Variants in SLC17A4 observed in about 807,000 individuals in gnomAD.
SLC17A4 encodes probable small intestine urate exporter.
SLC17A4 carries 33 observed loss-of-function variants against 52.5 expected under a neutral mutation model. That is an observed-to-expected ratio of 0.63 (90% CI 0.48 to 0.84). The LOEUF is 0.84. Among genes scored for constraint, SLC17A4 ranks in the 40% least tolerant of loss-of-function variants. SLC17A4 has a pLI of 0.00. For synonymous variants in SLC17A4, 225 were observed against 216.2 expected, an observed-to-expected ratio of 1.04 and a Z score of -0.36; for missense variants, 585 against 597.1, an observed-to-expected ratio of 0.98 and a Z score of 0.21.
chr6:25,765,333 T>A (rs1761919946), intron 2 of SLC17A4, among the ~76,000 whole-genome samples: 3 of 152,186 alleles, frequency 2.0e-5, no homozygotes, highest in African/African-American at 7.2e-5. Flanking sequence ...CTCACAACAA[T>A]CCTTCAGGAA....
At chr6:25,759,448 T>TC (rs1392880579) in intron 1 of SLC17A4, among the ~76,000 whole-genome samples, 1 of 152,218 alleles carries the variant, frequency 6.6e-6, no homozygotes, top group Non-Finnish European at 1.5e-5. Context: ...TTCTTAGGTC[T>TC]AGTAGTAATT....
chr6:25,770,037 A>G, intron 3 of SLC17A4, 30 bp from the exon 4 acceptor site: 1 of 1,592,376 alleles, frequency 6.3e-7, no homozygotes, highest in Non-Finnish European at 8.6e-7. Context: ...CTTCAACTAA[A>G]GACAAACAGT....
intron 7 of SLC17A4, 23 bp from the exon 8 acceptor site, chr6:25,773,490 C>T (rs747306285): frequency 1.2e-6 from 2 of 1,613,382 alleles, no homozygotes; most frequent in Non-Finnish European, 1.7e-6. Context: ...ACGGAGGGGA[C>T]ATTGATGTGT....
Position 25,776,828 on chromosome 6 carries a change from C to T in SLC17A4, c.1137C>T (p.Ser379=), listed in dbSNP as rs34048275. The change falls in exon 10 of 12, where the codon TCC becomes TCT. Residue 379 remains serine, a synonymous_variant. Transcript: ENST00000377905. ...CTACCCCAGGGGTTCTCTTCCCATC[C>T]GTGATCCTCGTGTCCCTGCCCTGGG... ...LFTAIGVLFP[S]VILVSLPWVR... The T allele has an allele frequency of 3.8e-3, 6,091 of 1,613,926 alleles. 165 individuals carry two copies. In the African/African-American group the frequency reaches 0.062, roughly 16 times the overall value.
At chr6:25,768,724 C>T (rs968660190) in intron 2 of SLC17A4, among the ~76,000 whole-genome samples, 3 of 152,162 alleles carry the variant, frequency 2.0e-5, no homozygotes, top group African/African-American at 7.2e-5. Flanking sequence ...CATCCCAGAG[C>T]CCTGCCTAAA....
chr6:25,764,714 C>A (rs187212049), intron 2 of SLC17A4, among the ~76,000 whole-genome samples: 207 of 151,864 alleles, frequency 1.4e-3, no homozygotes, highest in African/African-American at 4.8e-3. Flanking sequence ...ACCCCATGAG[C>A]CCCTCAAGGG....
chr6:25,760,754 T>C (rs1761460391), intron 1 of SLC17A4, among the ~76,000 whole-genome samples: 1 of 152,180 alleles, frequency 6.6e-6, no homozygotes, highest in East Asian at 1.9e-4. Context: ...AGTCACTTAG[T>C]TTCAAATTTT....
At position 25,769,210 on chromosome 6, in the gene SLC17A4, G is replaced by T; in HGVS notation, c.297+20G>T. 1.9e-6 allele frequency: 3 copies of T among 1,594,532 alleles called. No individual in the cohort carries two copies. The highest frequency in any genetic ancestry group is 2.6e-6 in the Non-Finnish European group (3 of 1,163,808). ...GCAATGGTAAGTTTAATGAGACTCTGGACTCTTTCTTTGACTCAAATAATT... is the reference window on the plus strand; with the variant it reads ...GCAATGGTAAGTTTAATGAGACTCTTGACTCTTTCTTTGACTCAAATAATT... On this transcript the variant is annotated intron_variant, in intron 3 of 11. Transcript: ENST00000377905.
intron 10 of SLC17A4, 199 bp downstream of exon 10, chr6:25,777,158 C>T (rs1484516374): frequency 2.2e-5 from 13 of 591,030 alleles, no homozygotes; most frequent in South Asian, 8.3e-5. Flanking sequence ...TTTTTCTGGG[C>T]GTGAACAAGA....
intron 11 of SLC17A4, 82 bp downstream of exon 11, chr6:25,778,098 C>A: frequency 1.0e-6 from 1 of 965,958 alleles, no homozygotes. Context: ...GCCTTGTATC[C>A]TAGAAGATGC....
chr6:25,763,431 G>C (rs1426847879), intron 2 of SLC17A4, among the ~76,000 whole-genome samples: 2 of 152,196 alleles, frequency 1.3e-5, no homozygotes, highest in Non-Finnish European at 2.9e-5. Flanking sequence ...AAACCTTGCA[G>C]AGTGCTTTGT....
At chr6:25,769,573 A>G (rs1161955170) in intron 3 of SLC17A4, among the ~76,000 whole-genome samples, 6 of 151,780 alleles carry the variant, frequency 4.0e-5, no homozygotes, top group African/African-American at 1.5e-4. Context: ...AAAAAAAAAG[A>G]AAGAAAGAAA....
Position 25,770,260 on chromosome 6 carries a change from C to T in SLC17A4, c.491C>T (p.Ala164Val), listed in dbSNP as rs574585650. 1 of 1,614,118 alleles carries T rather than the reference C, an allele frequency of 6.2e-7. No homozygotes were observed. The highest frequency in any genetic ancestry group is 2.2e-5 in the East Asian group (1 of 44,880). Residue 164 changes from alanine (A) to valine (V), a missense_variant, in exon 4 of 12, where the codon GCC becomes GTC. Ala to Val is a moderately conservative substitution (Grantham distance 64). Coordinates refer to ENST00000377905, the MANE Select transcript of SLC17A4 (RefSeq NM_005495.3). ...FIPLAANAGV[A>V]LLIVLRIVQG... Reference sequence around the variant, plus strand: ...CCACTGGCAGCTAATGCGGGAGTGGCCTTGCTCATTGTCCTCCGGATTGTA... The same window carrying T: ...CCACTGGCAGCTAATGCGGGAGTGGTCTTGCTCATTGTCCTCCGGATTGTA...
intron 6 of SLC17A4, 142 bp from the exon 7 acceptor site, chr6:25,773,133 T>A (rs1216721921): frequency 5.6e-6 from 4 of 718,338 alleles, no homozygotes; most frequent in Non-Finnish European, 9.9e-6. Context: ...CCCTCCCCCA[T>A]GATAGGGCCA....
rs1189966036 is a variant in SLC17A4 at position 25,769,153 on chromosome 6, G to A, written c.260G>A (p.Gly87Asp). 1 of 1,613,908 alleles carries A rather than the reference G, an allele frequency of 6.2e-7. No homozygotes were observed. The highest frequency in any genetic ancestry group is 1.3e-5 in the African/African-American group (1 of 74,884). The change falls in exon 3 of 12, where the codon GGC becomes GAC. Residue 87 changes from glycine (G) to aspartate (D), a missense_variant. Gly to Asp is a moderately conservative substitution (Grantham distance 94). Coordinates refer to ENST00000377905, the MANE Select transcript of SLC17A4 (RefSeq NM_005495.3). ...GAACGGCCCTCCACTGACTCCCAGG[G>A]CTACTGGAATGAAACTCTAAAAGAA... ...STERPSTDSQ[G>D]YWNETLKEFK...
intron 10 of SLC17A4, chr6:25,777,218 T>C: frequency 2.3e-6 from 1 of 429,374 alleles, no homozygotes; most frequent in Non-Finnish European, 4.1e-6. Flanking sequence ...CACACAAACC[T>C]CTCTCTGTTG....
intron 2 of SLC17A4, among the ~76,000 whole-genome samples, chr6:25,766,598 G>C (rs1345020942): frequency 6.6e-6 from 1 of 152,156 alleles, no homozygotes; most frequent in Non-Finnish European, 1.5e-5. Flanking sequence ...CAACTCAACA[G>C]TAAGAAGTCT....
intron 11 of SLC17A4, among the ~76,000 whole-genome samples, chr6:25,778,456 C>T (rs1763123041): frequency 6.6e-6 from 1 of 152,154 alleles, no homozygotes. Context: ...CACTAGCATA[C>T]TGTCAGGAAA....
chr6:25,774,779 T>C (rs1762762388), intron 8 of SLC17A4, among the ~76,000 whole-genome samples: 1 of 152,182 alleles, frequency 6.6e-6, no homozygotes, highest in South Asian at 2.1e-4. Flanking sequence ...AAAGCAGAGC[T>C]TTCCAGGCTA....
Sources: allele counts gnomAD v4.1 joint callset (sites outside exome capture counted in the v4.1 genomes callset), GRCh38; gene constraint gnomAD v4.1.1; transcripts MANE v1.5; gene names NCBI Gene and HGNC (gene_info 2026-07-23, HGNC 2026-07-21).